The following HMGCS2 variants were observed in gnomAD, a reference collection of about 807,000 sequenced individuals.
The protein encoded by HMGCS2 is 3-hydroxy-3-methylglutaryl-CoA synthase 2.
HMGCS2 carries 50 observed loss-of-function variants against 57.4 expected under a neutral mutation model. The ratio of observed to expected loss-of-function variants is 0.87; its 90% CI spans 0.69 to 1.10. The LOEUF (loss-of-function observed/expected upper bound fraction) is 1.10. HMGCS2 is among the 50% of genes least tolerant of loss of function. The probability of loss-of-function intolerance (pLI) is 0.00; values close to 1 mark genes in which losing one functional copy is unlikely to be tolerated. For missense variants in HMGCS2, 627 were observed against 636.5 expected, an observed-to-expected ratio of 0.99 and a Z score of 0.16; for synonymous variants, 254 against 245.1, an observed-to-expected ratio of 1.04 and a Z score of -0.34.
chr1:119,757,241 C>T, intron 5 of HMGCS2, 32 bp downstream of exon 5: 1 of 1,613,832 alleles, frequency 6.2e-7, no homozygotes. Context: ...CACACCTCAC[C>T]AGCCTCTAGG....
intron 1 of HMGCS2, 126 bp downstream of exon 1, chr1:119,768,615 T>G: frequency 1.4e-6 from 1 of 724,942 alleles, no homozygotes; most frequent in Non-Finnish European, 2.5e-6. Flanking sequence ...AAAGTTAACT[T>G]GCTTGTCTAA....
intron 4 of HMGCS2, among the ~76,000 whole-genome samples, chr1:119,758,403 T>A (rs1281228304): frequency 6.6e-6 from 1 of 151,948 alleles, no homozygotes; most frequent in Non-Finnish European, 1.5e-5. Flanking sequence ...CTGGCTAACT[T>A]TTGTACTTTT....
rs770214388 is a variant in HMGCS2, at chr1:119,748,514, C to T, written c.*333G>A. ...TCTAACACATGACAGGAAAGTTTAT[C>T]TGGATCTTGAAGGCAACAGCTGATC... On this transcript the variant is annotated 3_prime_UTR_variant, in exon 10 of 10. Transcript: ENST00000369406. The T allele has an allele frequency of 6.6e-6, 1 of 152,228 alleles. No individual in the cohort carries two copies. Among genetic ancestry groups the T allele is most frequent in the Non-Finnish European group, 1.5e-5 (1 of 68,058 alleles). The allele number at this position is 152,228 out of a possible 1,614,324, so 9.4% of individuals were successfully genotyped here. A position where few individuals can be genotyped will look rare whatever the true frequency, so the allele number is the denominator to read the frequency against.
chr1:119,766,658 C>A (rs1410922016), intron 1 of HMGCS2, among the ~76,000 whole-genome samples: 2 of 152,208 alleles, frequency 1.3e-5, no homozygotes, highest in Non-Finnish European at 2.9e-5. Context: ...TACCCGGGAG[C>A]TAATGGTTAA....
At chr1:119,768,484 C>A (rs776185792) in intron 1 of HMGCS2, among the ~76,000 whole-genome samples, 1 of 152,210 alleles carries the variant, frequency 6.6e-6, no homozygotes, top group Admixed American at 6.5e-5. Context: ...CTGCTTCATG[C>A]AGCTGGCAGA....
In HMGCS2 at chr1:119,756,949, T is replaced by C. The variant is rs587728548; in HGVS notation, c.1016+324A>G. Among the ~76,000 whole-genome samples the C allele has an allele frequency of 5.6e-5, 8 of 143,266 alleles. No homozygotes were observed. The East Asian group carries it at 1.7e-3, about 30-fold the overall frequency. The allele number at this position is 143,266 out of a possible 152,430, so 94.0% of individuals were successfully genotyped here. A position where few individuals can be genotyped will look rare whatever the true frequency, so the allele number is the denominator to read the frequency against. ...CATAACATGTTCAGAAAATGTTTAT[T>C]GACTGAATGATTTAGCTACTCTCTT... On this transcript the variant is annotated intron_variant, in intron 5 of 9. Coordinates refer to ENST00000369406, the MANE Select transcript of HMGCS2 (RefSeq NM_005518.4).
chr1:119,753,096 T>G (rs1652716317), intron 7 of HMGCS2, among the ~76,000 whole-genome samples, 184 bp downstream of exon 7: 1 of 152,174 alleles, frequency 6.6e-6, no homozygotes, highest in African/African-American at 2.4e-5. Context: ...AGTAGCCAAA[T>G]AAGTGCTTTA....
At position 119,759,143 on chromosome 1, in the gene HMGCS2, TTTAC is replaced by T; in HGVS notation, c.821_824del (p.Arg274GlnfsTer24). ...CTTGCTTCCACTGATTCTGGATTTT[TTTAC>T]GGTATGATGTGTAACATCGATCCAA... On this transcript the variant is annotated frameshift_variant, in exon 4 of 10. Transcript: ENST00000369406. LOFTEE classifies it high-confidence loss of function. The T allele has an allele frequency of 3.7e-6, 6 of 1,614,232 alleles. No individual in the cohort carries two copies. Among genetic ancestry groups the T allele is most frequent in the Non-Finnish European group, 5.1e-6 (6 of 1,180,032 alleles).
chr1:119,753,925 G>T (rs1307211634), intron 6 of HMGCS2, among the ~76,000 whole-genome samples: 3 of 151,606 alleles, frequency 2.0e-5, no homozygotes, highest in Non-Finnish European at 1.5e-5. Context: ...GCCCAGCCTG[G>T]AGTGCCCGGA....
chr1:119,757,768 T>G (rs1174571226), intron 4 of HMGCS2, among the ~76,000 whole-genome samples: 2 of 152,186 alleles, frequency 1.3e-5, no homozygotes, highest in African/African-American at 4.8e-5. Context: ...TGTCCAACTT[T>G]GAAAAGGCTG....
Position 119,759,951 on chromosome 1 carries a change from A to G in HMGCS2, c.598T>C (p.Tyr200His), listed in dbSNP as rs1246163712. 1.9e-6 allele frequency: 3 copies of G among 1,614,078 alleles called. No individual in the cohort carries two copies. The highest frequency in any genetic ancestry group is 1.7e-5 in the Admixed American group (1 of 60,028). ...AMVVCGDIAV[Y>H]PSGNARPTGG... ...GTGGGACGAGCATTACCACTGGGAT[A>G]GACGGCAATGTCTCCACAGACCACC... Residue 200 changes from tyrosine (Y) to histidine (H), a missense_variant, in exon 3 of 10, where the codon TAT becomes CAT. Physicochemically the swap from Tyr to His is moderately conservative, Grantham distance 83. Transcript: ENST00000369406.
At chr1:119,768,576 G>A (rs1476386635) in intron 1 of HMGCS2, among the ~76,000 whole-genome samples, 165 bp downstream of exon 1, 1 of 152,176 alleles carries the variant, frequency 6.6e-6, no homozygotes, top group African/African-American at 2.4e-5. Flanking sequence ...GGGATTGTCT[G>A]TTTAGAGATG....
intron 1 of HMGCS2, among the ~76,000 whole-genome samples, chr1:119,767,646 A>C (rs1394723588): frequency 6.6e-6 from 1 of 152,234 alleles, no homozygotes. Flanking sequence ...CAAGCCATGC[A>C]TAATGGGATT....
rs985960838 is a variant in HMGCS2, at chr1:119,757,185, G to A, written c.1016+88C>T. ...GGATTGCCATTTGTCCCCCACAGGG[G>A]TGCTGGTGGTCTAGACTTAAGGCAT... On this transcript the variant is annotated intron_variant, in intron 5 of 9. Transcript: ENST00000369406. 33 of 1,604,952 alleles carry A rather than the reference G, an allele frequency of 2.1e-5. No individual in the cohort carries two copies. The Admixed American group carries it at 2.2e-4, about 11-fold the overall frequency.
chr1:119,766,546 T>G lies in HMGCS2; in HGVS notation c.105-1920A>C, dbSNP rs149270373. 5.0e-3 allele frequency among the ~76,000 whole-genome samples: 769 copies of G among 152,364 alleles called. 6 individuals carry two copies. Among genetic ancestry groups the G allele is most frequent in the African/African-American group, 0.018 (735 of 41,584 alleles). On this transcript the variant is annotated intron_variant, in intron 1 of 9. Coordinates refer to ENST00000369406, the MANE Select transcript of HMGCS2 (RefSeq NM_005518.4). ...CAGAATGATAAATACACATTATATC[T>G]GACAGGAGAGGTTTGGAGTTTATTT...
chr1:119,757,737 G>C (rs587721581), intron 4 of HMGCS2, among the ~76,000 whole-genome samples: 10 of 152,160 alleles, frequency 6.6e-5, no homozygotes, highest in Admixed American at 4.6e-4. Context: ...AGGAGGAACC[G>C]GTCTACAAAA....
rs368014391 is a variant in HMGCS2, at chr1:119,764,367, C to T, written c.364G>A (p.Asp122Asn). ...CCTACTTCCAGCCTGCCCACAGAGT[C>T]CCATGGGAGCTGTATGCGCTCCATC... ...RLMERIQLPW[D>N]SVGRLEVGTE... Residue 122 changes from aspartate to asparagine, a missense_variant, in exon 2 of 10, where the codon GAC becomes AAC. Coordinates refer to ENST00000369406, the MANE Select transcript of HMGCS2 (RefSeq NM_005518.4). 80 of 1,614,144 alleles carry T rather than the reference C, an allele frequency of 5.0e-5. No homozygotes were observed. Among genetic ancestry groups the T allele is most frequent in the Middle Eastern group, 4.9e-4 (3 of 6,084 alleles).
At chr1:119,751,233 C>T (rs765531626) in intron 8 of HMGCS2, among the ~76,000 whole-genome samples, 16 of 152,334 alleles carry the variant, frequency 1.1e-4, no homozygotes, top group South Asian at 4.1e-4. Flanking sequence ...TACTTTGAGA[C>T]GTAATTCCCA....
intron 1 of HMGCS2, among the ~76,000 whole-genome samples, chr1:119,766,135 C>T (rs587770562): frequency 1.5e-3 from 224 of 152,278 alleles, no homozygotes; most frequent in Non-Finnish European, 1.9e-4. Flanking sequence ...TCTGTGTTCC[C>T]TTTTGTATGG....
Sources: allele counts gnomAD v4.1 joint callset (sites outside exome capture counted in the v4.1 genomes callset), GRCh38; gene constraint gnomAD v4.1.1; transcripts MANE v1.5; gene names NCBI Gene and HGNC (gene_info 2026-07-23, HGNC 2026-07-21).